Variants in PDE6A observed in about 807,000 individuals in gnomAD.
PDE6A encodes the protein rod cGMP-specific 3',5'-cyclic phosphodiesterase subunit alpha.
A neutral mutation model predicts 106.3 loss-of-function variants in PDE6A; 84 were observed. The observed-to-expected ratio is 0.79, with a 90% CI of 0.66 to 0.95. The LOEUF (loss-of-function observed/expected upper bound fraction) is 0.95, where lower values mean the gene tolerates loss of function less well. Ranked by LOEUF, PDE6A falls within the 40% of genes least tolerant of loss-of-function variation. The probability of loss-of-function intolerance (pLI) is 0.00; values close to 1 mark genes in which losing one functional copy is unlikely to be tolerated. For synonymous variants in PDE6A, 394 were observed against 386.6 expected (o/e 1.02, Z -0.23); for missense variants, 1,052 against 1,084.9 (o/e 0.97, Z 0.43).
At chr5:149,916,360 G>T (rs1168079333) in intron 5 of PDE6A, among the ~76,000 whole-genome samples, 4 of 152,176 alleles carry the variant, frequency 2.6e-5, no homozygotes, top group African/African-American at 9.7e-5. Flanking sequence ...TGGTCAGGAG[G>T]TTCCCATCCC....
Position 149,885,998 on chromosome 5 carries a change from C to G in PDE6A, c.1838+267G>C, listed in dbSNP as rs534606872. On this transcript the variant is annotated intron_variant, in intron 14 of 21. Transcript: ENST00000255266. ...CCACTCGAATGAATAATCCCTGTATCTCAAGATCCTCGACTTAATCACATC... is the reference window on the plus strand; with the variant it reads ...CCACTCGAATGAATAATCCCTGTATGTCAAGATCCTCGACTTAATCACATC... Among the ~76,000 whole-genome samples the G allele has an allele frequency of 5.9e-5, 9 of 152,342 alleles. No individual in the cohort carries two copies. In the East Asian group the frequency reaches 1.7e-3, roughly 29 times the overall value.
intron 6 of PDE6A, among the ~76,000 whole-genome samples, chr5:149,910,874 C>CTTTTTTTTTTTTTTTT (rs386405293): frequency 8.0e-5 from 7 of 87,142 alleles, no homozygotes; most frequent in Non-Finnish European, 1.2e-4. Context: ...TTTCTTTTTC[C>CTTTTTTTTTTTTTTTT]TTTTTTTTTT....
chr5:149,921,504 T>A, intron 5 of PDE6A, 131 bp downstream of exon 5: 1 of 694,492 alleles, frequency 1.4e-6, no homozygotes. Context: ...GAGAGATTAT[T>A]CTAACTTCAA....
In PDE6A at chr5:149,896,324, A is replaced by G. The variant is rs764891274; in HGVS notation, c.1620+32T>C. The G allele has an allele frequency of 1.9e-6, 3 of 1,565,150 alleles. No homozygotes were observed. In the African/African-American group the frequency reaches 4.1e-5, roughly 21 times the overall value. ...AAGCAAGCAAGAAAGAAAATTAAAA[A>G]GGGAAATCATATATATTTGTTTTGA... On this transcript the variant is annotated intron_variant, in intron 12 of 21. Transcript: ENST00000255266.
At chr5:149,904,917 T>C (rs1336806709) in intron 7 of PDE6A, among the ~76,000 whole-genome samples, 1 of 152,154 alleles carries the variant, frequency 6.6e-6, no homozygotes, top group Non-Finnish European at 1.5e-5. Flanking sequence ...TCTCCTCTTT[T>C]CTTTTGCATT....
At chr5:149,876,984 G>A (rs988151063) in intron 17 of PDE6A, among the ~76,000 whole-genome samples, 6 of 151,590 alleles carry the variant, frequency 4.0e-5, no homozygotes, top group Non-Finnish European at 8.8e-5. Flanking sequence ...ATTCTGTTGA[G>A]AGACTATTGA....
intron 7 of PDE6A, among the ~76,000 whole-genome samples, chr5:149,904,850 T>A (rs1753125114): frequency 6.6e-6 from 1 of 152,204 alleles, no homozygotes; most frequent in Non-Finnish European, 1.5e-5. Context: ...TCTCTCATGC[T>A]TGAAAATGAA....
chr5:149,876,554 G>A (rs1339735668), intron 17 of PDE6A, among the ~76,000 whole-genome samples: 1 of 152,034 alleles, frequency 6.6e-6, no homozygotes, highest in East Asian at 1.9e-4. Flanking sequence ...CCCGGCTGGA[G>A]TGTGGTGGTT....
chr5:149,868,034 T>C (rs1760395987), intron 18 of PDE6A, 61 bp downstream of exon 18: 2 of 1,522,796 alleles, frequency 1.3e-6, no homozygotes, highest in South Asian at 2.2e-5. Context: ...AGTCCAAGCC[T>C]CATGACCTGA....
chr5:149,916,012 A>T (rs1753540143), intron 5 of PDE6A, among the ~76,000 whole-genome samples: 1 of 152,144 alleles, frequency 6.6e-6, no homozygotes, highest in Admixed American at 6.5e-5. Flanking sequence ...TTGCTGTGTC[A>T]CCCAGGCTGG....
chr5:149,874,513 C>A (rs1317420150), intron 17 of PDE6A, among the ~76,000 whole-genome samples: 1 of 152,144 alleles, frequency 6.6e-6, no homozygotes, highest in African/African-American at 2.4e-5. Flanking sequence ...TTCACCAAAC[C>A]AGAAGCTCTC....
intron 5 of PDE6A, among the ~76,000 whole-genome samples, chr5:149,919,913 AG>A (rs1753654262): frequency 6.6e-6 from 1 of 152,118 alleles, no homozygotes; most frequent in East Asian, 1.9e-4. Flanking sequence ...TGACACTGTG[AG>A]GCTTTCGACC....
chr5:149,894,359 G>A (rs1313111967), intron 13 of PDE6A, among the ~76,000 whole-genome samples: 1 of 152,034 alleles, frequency 6.6e-6, no homozygotes, highest in African/African-American at 2.4e-5. Context: ...AATTTCTCTG[G>A]GGAAAAGAAC....
intron 5 of PDE6A, among the ~76,000 whole-genome samples, chr5:149,917,049 C>CTTT (rs575173849): frequency 7.0e-6 from 1 of 142,136 alleles, no homozygotes; most frequent in Non-Finnish European, 1.5e-5. Flanking sequence ...AAGGGGATAT[C>CTTT]TTTTTTTTTT....
intron 3 of PDE6A, chr5:149,932,733 G>T (rs904408028): frequency 3.2e-5 from 44 of 1,377,898 alleles, no homozygotes; most frequent in Middle Eastern, 2.1e-4. Flanking sequence ...ACTGCTTGCT[G>T]TTTGGCACTG....
In PDE6A at chr5:149,907,335, C is replaced by T. The variant is rs1048068820; in HGVS notation, c.1042G>A (p.Ala348Thr). Reference protein sequence around the residue: ...DHWALVSGLPAYVAQNGLICN... With the variant: ...DHWALVSGLPTYVAQNGLICN... ...ACCAGGCCATTCTGGGCAACATAAG[C>T]TGGGAGACCGCTTACTAAAGCCCAA... is the stretch of plus-strand genomic sequence containing the variant. Residue 348 changes from alanine (A) to threonine (T), a missense_variant, in exon 7 of 22, where the codon GCT (alanine) becomes ACT (threonine). Ala to Thr is a moderately conservative substitution (Grantham distance 58). Coordinates refer to ENST00000255266, the MANE Select transcript of PDE6A (RefSeq NM_000440.3). 3 of 1,613,872 alleles carry T rather than the reference C, an allele frequency of 1.9e-6. No individual in the cohort carries two copies. In the African/African-American group the frequency reaches 4.0e-5, roughly 22 times the overall value.
Position 149,910,215 on chromosome 5 carries a change from A to C in PDE6A, c.999-2837T>G, listed in dbSNP as rs573962764. ...TGTCTATTTTTCTATGATATTAATA[A>C]CATGGTTATACAAGTTTTCTTTTGA... On this transcript the variant is annotated intron_variant, in intron 6 of 21. Coordinates refer to ENST00000255266, the MANE Select transcript of PDE6A (RefSeq NM_000440.3). 4.7e-4 allele frequency among the ~76,000 whole-genome samples: 68 copies of C among 145,628 alleles called. 2 individuals carry two copies. The highest frequency in any genetic ancestry group is 1.7e-3 in the African/African-American group (66 of 39,148).
At chr5:149,898,290 T>A in intron 10 of PDE6A, 73 bp downstream of exon 10, 1 of 1,449,752 alleles carries the variant, frequency 6.9e-7, no homozygotes, top group South Asian at 1.1e-5. Context: ...AGTTGCAAGT[T>A]TTGCCTTAAT....
chr5:149,923,551 A>AACATAACATT (rs1561772945), intron 4 of PDE6A, among the ~76,000 whole-genome samples: 38 of 125,202 alleles, frequency 3.0e-4, no homozygotes, highest in Middle Eastern at 3.9e-3. Flanking sequence ...AACATAACAT[A>AACATAACATT]ACATAACATA....
Sources: gnomAD v4.1 joint callset for allele counts (sites outside exome capture counted in the v4.1 genomes callset) on GRCh38, gnomAD v4.1.1 for gene constraint, MANE v1.5 for transcripts, NCBI Gene and HGNC (gene_info 2026-07-23, HGNC 2026-07-21) for gene names.